The following STRN3 variants were observed in gnomAD, a reference collection of about 807,000 sequenced individuals.
STRN3 encodes striatin-3.
A neutral mutation model predicts 95.6 loss-of-function variants in STRN3; 29 were observed. The ratio of observed to expected loss-of-function variants is 0.30; its 90% CI spans 0.23 to 0.41. STRN3 has a LOEUF of 0.41. Among genes scored for constraint, STRN3 ranks in the 10% least tolerant of loss-of-function variants. The pLI is 1.00. For missense variants in STRN3, 890 were observed against 972.1 expected, an observed-to-expected ratio of 0.92 and a Z score of 1.12; for synonymous variants, 331 against 357.6, an observed-to-expected ratio of 0.93 and a Z score of 0.84.
At chr14:30,903,499 T>C (rs1446395151) in intron 15 of STRN3, among the ~76,000 whole-genome samples, 1 of 152,108 alleles carries the variant, frequency 6.6e-6, no homozygotes, top group Non-Finnish European at 1.5e-5. Context: ...ACTCCTGAGC[T>C]CAAGGGCTTC....
intron 1 of STRN3, among the ~76,000 whole-genome samples, chr14:30,967,120 C>T (rs1236629399): frequency 2.6e-5 from 4 of 151,902 alleles, no homozygotes; most frequent in Admixed American, 2.6e-4. Context: ...AAGGGTTGAA[C>T]CTGACACAAC....
rs758062459 is a variant in STRN3 at position 30,919,002 on chromosome 14, T to C, written c.1204A>G (p.Arg402Gly). 20 of 1,605,130 alleles carry C rather than the reference T, an allele frequency of 1.2e-5. No individual in the cohort carries two copies. Among genetic ancestry groups the C allele is most frequent in the Non-Finnish European group, 1.7e-5 (20 of 1,174,882 alleles). Residue 402 changes from arginine to glycine, a missense_variant, in exon 9 of 18, where the codon AGA (arginine) becomes GGA (glycine). By Grantham distance (125) the Arg-to-Gly change is moderately radical. Around this residue, in one of 3 missense-constraint regions of STRN3, gnomAD observed 526 missense variants for 526.3 expected, o/e 1.00. Transcript: ENST00000357479. Reference protein sequence around the residue: ...IINQSRSASTRMTDHEGARAE... With the variant: ...IINQSRSASTGMTDHEGARAE... ...CTTGCACCTTCATGATCAGTCATTC[T>C]AGTAGAGGCTGACCTAGACTGATTA... is the stretch of plus-strand genomic sequence containing the variant.
intron 1 of STRN3, among the ~76,000 whole-genome samples, chr14:30,998,235 A>G (rs1882290941): frequency 6.6e-6 from 1 of 152,240 alleles, no homozygotes; most frequent in African/African-American, 2.4e-5. Flanking sequence ...CTCATCCAGC[A>G]TAAACAGGTG....
chr14:30,976,410 G>GAA (rs1881106745), intron 1 of STRN3, among the ~76,000 whole-genome samples: 1 of 152,134 alleles, frequency 6.6e-6, no homozygotes, highest in African/African-American at 2.4e-5. Context: ...AGAAATACAT[G>GAA]AATCCACTAT....
At chr14:30,900,628 C>T (rs1896287018) in intron 16 of STRN3, among the ~76,000 whole-genome samples, 1 of 151,638 alleles carries the variant, frequency 6.6e-6, no homozygotes, top group South Asian at 2.1e-4. Context: ...CCCTGTAGTC[C>T]CACCCAGCTA....
In STRN3 at chr14:30,895,468, C is replaced by T. The variant is rs1391353469; in HGVS notation, c.2337G>A (p.Ser779=). The T allele has an allele frequency of 9.9e-6, 16 of 1,613,788 alleles. No individual in the cohort carries two copies. The highest frequency in any genetic ancestry group is 1.6e-4 in the Middle Eastern group (1 of 6,080). Residue 779 remains serine, a synonymous_variant, in exon 18 of 18, where the codon TCG becomes TCA. Coordinates refer to ENST00000357479, the MANE Select transcript of STRN3 (RefSeq NM_001083893.2). ...DESIYDVAFH[S]SKAYIASAGA... Reference sequence around the variant, plus strand: ...CTGCACTAGCTATATATGCTTTTGACGAGTGGAAAGCAACATCATAAATTG... The same window carrying T: ...CTGCACTAGCTATATATGCTTTTGATGAGTGGAAAGCAACATCATAAATTG...
chr14:31,001,087 C>T (rs761240412), intron 1 of STRN3, among the ~76,000 whole-genome samples: 1 of 152,176 alleles, frequency 6.6e-6, no homozygotes, highest in Non-Finnish European at 1.5e-5. Flanking sequence ...GTGTTGGATG[C>T]TTCTGTTGAA....
intron 3 of STRN3, among the ~76,000 whole-genome samples, chr14:30,951,315 A>T (rs1293994924): frequency 1.3e-5 from 2 of 151,996 alleles, no homozygotes; most frequent in Admixed American, 6.6e-5. Context: ...GATTCACTGC[A>T]GTCTCGACTT....
At chr14:30,973,493 C>G (rs1221875193) in intron 1 of STRN3, among the ~76,000 whole-genome samples, 2 of 152,044 alleles carry the variant, frequency 1.3e-5, no homozygotes, top group Non-Finnish European at 1.5e-5. Context: ...ATAAATCTCC[C>G]AACAAAGAAA....
At chr14:30,954,542 A>T (rs372297689) in intron 3 of STRN3, among the ~76,000 whole-genome samples, 2 of 152,178 alleles carry the variant, frequency 1.3e-5, no homozygotes, top group Non-Finnish European at 2.9e-5. Context: ...GTTTTCCACT[A>T]AACATCCTGA....
intron 12 of STRN3, 52 bp from the exon 13 acceptor site, chr14:30,911,214 C>G: frequency 6.5e-7 from 1 of 1,548,594 alleles, no homozygotes; most frequent in Admixed American, 2.0e-5. Flanking sequence ...TAAGAAGAAA[C>G]TCAAATCTCC....
At chr14:30,909,400 G>A (rs1896551831) in intron 13 of STRN3, among the ~76,000 whole-genome samples, 1 of 25,804 alleles carries the variant, frequency 3.9e-5, no homozygotes, top group Non-Finnish European at 9.2e-5. Flanking sequence ...CCTCAGCCTG[G>A]GAGGCGGAGG....
chr14:30,961,897 G>A (rs923550530), intron 1 of STRN3, among the ~76,000 whole-genome samples: 24 of 152,210 alleles, frequency 1.6e-4, no homozygotes, highest in African/African-American at 3.1e-4. Flanking sequence ...GTGAACCATC[G>A]TGCCTGGTTC....
In STRN3 at chr14:31,026,363, C is replaced by T. The variant is rs2139381962; in HGVS notation, c.-178G>A. 1 of 431,068 alleles carries T rather than the reference C, an allele frequency of 2.3e-6. No homozygotes were observed. The highest frequency in any genetic ancestry group is 3.7e-6 in the Non-Finnish European group (1 of 270,262). 26.7% of individuals were successfully genotyped at this position (431,068 alleles called of 1,614,324 possible). On this transcript the variant is annotated 5_prime_UTR_variant, in exon 1 of 18. Coordinates refer to ENST00000357479, the MANE Select transcript of STRN3 (RefSeq NM_001083893.2). ...AGGGAGCTGCCGGCTGCCGCCATTA[C>T]AATCCCTCCTCCATCTGCCCGTCTC...
At chr14:30,955,230 G>C (rs1356243953) in intron 3 of STRN3, among the ~76,000 whole-genome samples, 2 of 152,100 alleles carry the variant, frequency 1.3e-5, no homozygotes, top group Non-Finnish European at 2.9e-5. Context: ...AAGTGTTAAA[G>C]ACTAAAAAAT....
intron 1 of STRN3, among the ~76,000 whole-genome samples, chr14:30,985,775 G>A (rs1005691099): frequency 4.6e-5 from 7 of 152,012 alleles, no homozygotes; most frequent in African/African-American, 7.2e-5. Context: ...TTTTGCTAAC[G>A]TTTACACTTA....
chr14:31,014,854 G>A (rs2139334242), intron 1 of STRN3: 1 of 397,364 alleles, frequency 2.5e-6, no homozygotes, highest in Non-Finnish European at 4.8e-6. Context: ...TGTTGCCCAG[G>A]CTGCAGTCTG....
At chr14:30,915,583 A>G (rs976221265) in intron 9 of STRN3, among the ~76,000 whole-genome samples, 2 of 152,220 alleles carry the variant, frequency 1.3e-5, no homozygotes, top group Admixed American at 6.5e-5. Context: ...GCTAAAAACT[A>G]TAAAATCAAT....
chr14:30,899,207 C>T (rs1896238765), intron 16 of STRN3, among the ~76,000 whole-genome samples: 1 of 152,180 alleles, frequency 6.6e-6, no homozygotes, highest in South Asian at 2.1e-4. Context: ...AGATCTTCCT[C>T]CCACTCCTCC....
Sources: allele counts gnomAD v4.1 joint callset (sites outside exome capture counted in the v4.1 genomes callset), GRCh38; gene constraint gnomAD v4.1.1; regional missense constraint gnomAD v4.1.1; transcripts MANE v1.5; gene names NCBI Gene and HGNC (gene_info 2026-07-23, HGNC 2026-07-21).